The following USP4 variants were observed in gnomAD, a reference collection of about 807,000 sequenced individuals.
USP4 encodes the protein ubiquitin carboxyl-terminal hydrolase 4.
USP4 carries 72 observed loss-of-function variants against 118.2 expected under a neutral mutation model. The ratio of observed to expected loss-of-function variants is 0.61; its 90% CI spans 0.50 to 0.74. The LOEUF (loss-of-function observed/expected upper bound fraction) is 0.74. Among genes scored for constraint, USP4 ranks in the 30% least tolerant of loss-of-function variants. The pLI is 0.00. For synonymous variants in USP4, 415 were observed against 440.4 expected, an observed-to-expected ratio of 0.94 and a Z score of 0.72; for missense variants, 1,037 against 1,185.7, an observed-to-expected ratio of 0.87 and a Z score of 1.84.
intron 6 of USP4, chr3:49,317,335 A>T (rs1341507974): frequency 7.7e-7 from 1 of 1,296,424 alleles, no homozygotes. Context: ...CTCATTCTGC[A>T]GCCGCTGTTT....
chr3:49,330,100 G>A (rs1280388946), intron 2 of USP4, among the ~76,000 whole-genome samples: 2 of 152,010 alleles, frequency 1.3e-5, no homozygotes, highest in African/African-American at 4.8e-5. Flanking sequence ...GAACCTGGGA[G>A]GGAGAGGTTG....
chr3:49,285,949 AG>A, intron 16 of USP4, 148 bp downstream of exon 16: 1 of 706,720 alleles, frequency 1.4e-6, no homozygotes, highest in East Asian at 2.7e-5. Context: ...AACAGTCCTT[AG>A]GGGGCTTCAA....
chr3:49,289,090 G>A (rs1476802861), intron 15 of USP4, among the ~76,000 whole-genome samples: 1 of 152,066 alleles, frequency 6.6e-6, no homozygotes, highest in Non-Finnish European at 1.5e-5. Flanking sequence ...CAGCCTGGGC[G>A]ACAGAGCAAA....
rs773160842 is a variant in USP4, at chr3:49,311,670, A to G, written c.696-16T>C. 3 of 1,612,940 alleles carry G rather than the reference A, an allele frequency of 1.9e-6. No individual in the cohort carries two copies. In the Admixed American group the frequency reaches 5.0e-5, roughly 27 times the overall value. ...AGTGCTTGATCTGGGAGAGAGAAGCAGAAACAATGCTACTGACTTTTTGCA... is the reference window on the plus strand; with the variant it reads ...AGTGCTTGATCTGGGAGAGAGAAGCGGAAACAATGCTACTGACTTTTTGCA... On this transcript the variant is annotated splice_polypyrimidine_tract_variant and intron_variant, in intron 6 of 21. Transcript: ENST00000265560.
chr3:49,305,661 C>A, intron 9 of USP4, 54 bp downstream of exon 9: 5 of 1,422,002 alleles, frequency 3.5e-6, no homozygotes, highest in South Asian at 1.7e-5. Flanking sequence ...CATTTCTGGT[C>A]CCAGGCATCT....
At chr3:49,330,274 TCTC>T (rs1344427835) in intron 2 of USP4, among the ~76,000 whole-genome samples, 3 of 152,024 alleles carry the variant, frequency 2.0e-5, no homozygotes, top group Non-Finnish European at 4.4e-5. Context: ...ACAACATTAA[TCTC>T]CTCATGCATC....
At chr3:49,282,754 C>T (rs1183039785) in intron 19 of USP4, among the ~76,000 whole-genome samples, 2 of 151,708 alleles carry the variant, frequency 1.3e-5, no homozygotes, top group Non-Finnish European at 2.9e-5. Flanking sequence ...GTTGCTGAGG[C>T]TGGAGTGCAG....
intron 1 of USP4, among the ~76,000 whole-genome samples, chr3:49,336,662 A>G (rs937751731): frequency 2.0e-5 from 3 of 151,554 alleles, no homozygotes; most frequent in South Asian, 4.2e-4. Context: ...AGCTGGGATT[A>G]CAGGTGTGTG....
intron 6 of USP4, chr3:49,316,970 C>T (rs2047442929): frequency 1.5e-6 from 1 of 652,904 alleles, no homozygotes; most frequent in Non-Finnish European, 2.7e-6. Flanking sequence ...CCCCTCTTAG[C>T]ACCTGAGACA....
Position 49,277,988 on chromosome 3 carries a change from C to G in USP4, c.*305G>C. 2.3e-6 allele frequency: 1 copy of G among 440,424 alleles called. No individual in the cohort carries two copies. The highest frequency in any genetic ancestry group is 4.0e-6 in the Non-Finnish European group (1 of 252,358). The allele number at this position is 440,424 out of a possible 1,614,324, so 27.3% of individuals were successfully genotyped here. A position where few individuals can be genotyped will look rare whatever the true frequency, so the allele number is the denominator to read the frequency against. On this transcript the variant is annotated 3_prime_UTR_variant, in exon 22 of 22. Transcript: ENST00000265560. ...CTCCATACTCAGCGCCTGTGTTCCT[C>G]TCCATTCTTCGGGATCCATCAGACA... is the stretch of plus-strand genomic sequence containing the variant.
chr3:49,306,399 C>A (rs2107784275), intron 8 of USP4, among the ~76,000 whole-genome samples: 1 of 151,976 alleles, frequency 6.6e-6, no homozygotes, highest in Admixed American at 6.6e-5. Context: ...GATGGGGTTT[C>A]ACCATGTTGG....
At chr3:49,298,426 C>T (rs529457613) in intron 12 of USP4, 126 bp downstream of exon 12, 1 of 853,590 alleles carries the variant, frequency 1.2e-6, no homozygotes, top group African/African-American at 1.6e-5. Flanking sequence ...TCCAGACACA[C>T]ACAAATAATC....
intron 13 of USP4, among the ~76,000 whole-genome samples, chr3:49,297,225 G>A (rs183817323): frequency 1.1e-4 from 16 of 152,288 alleles, no homozygotes; most frequent in Admixed American, 3.3e-4. Flanking sequence ...CAGCAGGCAA[G>A]TTCATGTATG....
intron 13 of USP4, among the ~76,000 whole-genome samples, chr3:49,295,714 G>GCGCGCGCGCGCGCACA (rs149459963): frequency 1.3e-4 from 20 of 148,318 alleles, no homozygotes; most frequent in South Asian, 4.2e-4. Flanking sequence ...GCGCGCGCGC[G>GCGCGCGCGCGCGCACA]CACACACACA....
intron 2 of USP4, among the ~76,000 whole-genome samples, chr3:49,334,575 G>A (rs1019825359): frequency 1.8e-4 from 28 of 152,238 alleles, no homozygotes; most frequent in Non-Finnish European, 3.4e-4. Flanking sequence ...GCAAGACCCC[G>A]TCTCTACCAA....
chr3:49,338,283 T>C (rs2047692864), intron 1 of USP4, among the ~76,000 whole-genome samples: 1 of 152,108 alleles, frequency 6.6e-6, no homozygotes. Context: ...CATACAATTT[T>C]ACTGTATGAT....
chr3:49,315,612 G>GCCT (rs1016498411), intron 6 of USP4, among the ~76,000 whole-genome samples: 7 of 152,228 alleles, frequency 4.6e-5, no homozygotes, highest in African/African-American at 1.7e-4. Context: ...CAGACACTAT[G>GCCT]CCTCCAAACA....
In USP4 at chr3:49,302,367, C is replaced by T. The variant is rs974559044; in HGVS notation, c.1287+17G>A. The T allele has an allele frequency of 1.2e-6, 2 of 1,610,948 alleles. No individual in the cohort carries two copies. Among genetic ancestry groups the T allele is most frequent in the Admixed American group, 1.7e-5 (1 of 59,310 alleles). Reference sequence around the variant, plus strand: ...CTTCTTTGGCATATTATCATTCAGACATCATTAATGGCATACCGCATCTGG... The same window carrying T: ...CTTCTTTGGCATATTATCATTCAGATATCATTAATGGCATACCGCATCTGG... On this transcript the variant is annotated intron_variant, in intron 10 of 21. Transcript: ENST00000265560.
chr3:49,304,330 G>A (rs1025642037), intron 9 of USP4, among the ~76,000 whole-genome samples: 4 of 152,064 alleles, frequency 2.6e-5, no homozygotes, highest in Admixed American at 2.0e-4. Context: ...TAAATCTGCT[G>A]AGCGGGAGGG....
Sources: gnomAD v4.1 joint callset for allele counts (sites outside exome capture counted in the v4.1 genomes callset) on GRCh38, gnomAD v4.1.1 for gene constraint, MANE v1.5 for transcripts, NCBI Gene and HGNC (gene_info 2026-07-23, HGNC 2026-07-21) for gene names.